The following FAM184B variants were observed in gnomAD, a reference collection of about 807,000 sequenced individuals.
FAM184B encodes protein FAM184B.
In FAM184B, 111 loss-of-function variants were observed where a neutral mutation model predicts 135.9. The ratio of observed to expected loss-of-function variants is 0.82; its 90% CI spans 0.70 to 0.96. The LOEUF (loss-of-function observed/expected upper bound fraction) is 0.96, where lower values mean the gene tolerates loss of function less well. FAM184B is among the 40% of genes least tolerant of loss of function. FAM184B has a pLI of 0.00. For synonymous variants in FAM184B, 552 were observed against 524.8 expected, an observed-to-expected ratio of 1.05 and a Z score of -0.71; for missense variants, 1,375 against 1,323.9, an observed-to-expected ratio of 1.04 and a Z score of -0.60.
At chr4:17,632,839 T>C (rs1475916529) in intron 17 of FAM184B, 3 of 440,306 alleles carry the variant, frequency 6.8e-6, no homozygotes, top group African/African-American at 2.0e-5. Context: ...AGGTTCACCA[T>C]TGTTTGGTTC....
chr4:17,710,123 C>T lies in FAM184B; in HGVS notation c.142-479G>A, dbSNP rs1231141151. Among the ~76,000 whole-genome samples the T allele has an allele frequency of 3.9e-5, 6 of 152,124 alleles. No individual in the cohort carries two copies. In the East Asian group the frequency reaches 9.7e-4, roughly 25 times the overall value. On this transcript the variant is annotated intron_variant, in intron 1 of 17. Transcript: ENST00000265018. Reference sequence around the variant, plus strand: ...GGCGGATCACCTGAGGTCAGGAGTTCGAGACCAGCCTAGCCAACATGGCGA... The same window carrying T: ...GGCGGATCACCTGAGGTCAGGAGTTTGAGACCAGCCTAGCCAACATGGCGA...
intron 5 of FAM184B, among the ~76,000 whole-genome samples, chr4:17,698,022 G>A (rs1716903663): frequency 6.6e-6 from 1 of 151,456 alleles, no homozygotes; most frequent in Admixed American, 6.6e-5. Flanking sequence ...GTCCAGCTCA[G>A]CCCAAAGTGA....
chr4:17,685,190 C>A (rs1716549917), intron 7 of FAM184B, among the ~76,000 whole-genome samples: 2 of 146,548 alleles, frequency 1.4e-5, no homozygotes, highest in Non-Finnish European at 3.0e-5. Flanking sequence ...CACATGTACC[C>A]TGGAACTTAA....
intron 7 of FAM184B, among the ~76,000 whole-genome samples, chr4:17,684,401 G>GTA (rs1648352943): frequency 6.6e-6 from 1 of 152,004 alleles, no homozygotes; most frequent in African/African-American, 2.4e-5. Context: ...GCTTTCCAAT[G>GTA]TATACCTTTA....
chr4:17,659,947 G>A lies in FAM184B; in HGVS notation c.1824+11C>T, dbSNP rs1348179960. The A allele has an allele frequency of 6.5e-6, 10 of 1,550,262 alleles. No homozygotes were observed. Among genetic ancestry groups the A allele is most frequent in the Non-Finnish European group, 8.7e-6 (10 of 1,146,908 alleles). On this transcript the variant is annotated intron_variant, in intron 9 of 17. Coordinates refer to ENST00000265018, the MANE Select transcript of FAM184B (RefSeq NM_015688.2). ...CAGGAAGGGGGCACATCCCCACCAG[G>A]GTTGTCCTACCTGGGCTTGCAATTT...
At chr4:17,689,827 T>C (rs1716679515) in intron 6 of FAM184B, among the ~76,000 whole-genome samples, 1 of 151,846 alleles carries the variant, frequency 6.6e-6, no homozygotes, top group African/African-American at 2.4e-5. Context: ...ACAACAGCCT[T>C]TATAAGGTAG....
intron 11 of FAM184B, among the ~76,000 whole-genome samples, chr4:17,649,217 A>G (rs1301734670): frequency 6.6e-6 from 1 of 152,180 alleles, no homozygotes; most frequent in Non-Finnish European, 1.5e-5. Flanking sequence ...GCTTTCCTAT[A>G]AGCTTACTAA....
intron 1 of FAM184B, among the ~76,000 whole-genome samples, chr4:17,725,030 G>T (rs555216310): frequency 6.6e-6 from 1 of 152,136 alleles, no homozygotes. Flanking sequence ...TGAGGGTAGG[G>T]CCTGGTCTCT....
At chr4:17,649,387 A>ATAC (rs1715547363) in intron 11 of FAM184B, among the ~76,000 whole-genome samples, 1 of 150,472 alleles carries the variant, frequency 6.6e-6, no homozygotes, top group Admixed American at 6.6e-5. Context: ...GATCGAGACC[A>ATAC]TACTGGCTAA....
chr4:17,661,738 G>A (rs1577251575), intron 8 of FAM184B, among the ~76,000 whole-genome samples: 1 of 152,214 alleles, frequency 6.6e-6, no homozygotes. Flanking sequence ...CCAAGGGTTA[G>A]GAGGCCAGAG....
Position 17,632,479 on chromosome 4 carries a change from A to T in FAM184B, c.*53T>A. 2 of 1,382,734 alleles carry T rather than the reference A, an allele frequency of 1.4e-6. No homozygotes were observed. The allele number at this position is 1,382,734 out of a possible 1,614,324, so 85.7% of individuals were successfully genotyped here. On this transcript the variant is annotated 3_prime_UTR_variant, in exon 18 of 18. Coordinates refer to ENST00000265018, the MANE Select transcript of FAM184B (RefSeq NM_015688.2). The stretch of plus-strand genomic sequence containing the variant: ...GTTAGTTCATTCCTTCAATCGGATG[A>T]TTTAAAATAAATGTTTTTCAAGTAT...
intron 1 of FAM184B, among the ~76,000 whole-genome samples, chr4:17,712,222 T>G (rs1717292766): frequency 6.6e-6 from 1 of 152,048 alleles, no homozygotes; most frequent in Non-Finnish European, 1.5e-5. Context: ...GCAGAAGTAG[T>G]TTTTTGGTGA....
At chr4:17,686,303 G>T (rs1430910589) in intron 7 of FAM184B, among the ~76,000 whole-genome samples, 1 of 152,190 alleles carries the variant, frequency 6.6e-6, no homozygotes, top group African/African-American at 2.4e-5. Flanking sequence ...GATCAGGAAG[G>T]GGCAAGCCCT....
chr4:17,775,972 A>G (rs757407687), intron 1 of FAM184B, among the ~76,000 whole-genome samples: 4 of 152,196 alleles, frequency 2.6e-5, no homozygotes, highest in Admixed American at 6.5e-5. Flanking sequence ...TAAAAAGCAC[A>G]TTTGTACCCC....
At chr4:17,713,768 G>A (rs1717340958) in intron 1 of FAM184B, among the ~76,000 whole-genome samples, 2 of 152,180 alleles carry the variant, frequency 1.3e-5, no homozygotes, top group South Asian at 2.1e-4. Flanking sequence ...TTATTCATTC[G>A]CGGATTCACT....
intron 1 of FAM184B, among the ~76,000 whole-genome samples, chr4:17,760,659 C>T (rs949868249): frequency 6.6e-6 from 1 of 152,122 alleles, no homozygotes; most frequent in Non-Finnish European, 1.5e-5. Flanking sequence ...TTAGGTATCA[C>T]TAGCTTTGTG....
At chr4:17,704,214 C>T (rs1717055439) in intron 5 of FAM184B, among the ~76,000 whole-genome samples, 1 of 152,190 alleles carries the variant, frequency 6.6e-6, no homozygotes, top group Admixed American at 6.5e-5. Context: ...ACAAAGCATT[C>T]CACCTACATT....
At chr4:17,700,022 T>C (rs1716949668) in intron 5 of FAM184B, among the ~76,000 whole-genome samples, 1 of 152,156 alleles carries the variant, frequency 6.6e-6, no homozygotes, top group Admixed American at 6.5e-5. Flanking sequence ...TTCCAAATCC[T>C]ACAGTAACCA....
chr4:17,635,202 GAGAAGGAAAGTCCAGGGGA>G (rs1715089378), intron 15 of FAM184B, 89 bp from the exon 16 acceptor site: 1 of 1,004,592 alleles, frequency 1.0e-6, no homozygotes, highest in Admixed American at 2.2e-5. Flanking sequence ...GGGCAGAATA[GAGAAGGAAAGTCCAGGGGA>G]GGAAGGGGAA....
Sources: allele counts gnomAD v4.1 joint callset (sites outside exome capture counted in the v4.1 genomes callset), GRCh38; gene constraint gnomAD v4.1.1; transcripts MANE v1.5; gene names NCBI Gene and HGNC (gene_info 2026-07-23, HGNC 2026-07-21).